Variants in NALCN observed in about 807,000 individuals in gnomAD.
NALCN encodes sodium leak channel, non-selective.
Under a neutral mutation model 225.3 loss-of-function variants are expected in NALCN, and 111 were observed. The ratio of observed to expected loss-of-function variants is 0.49; its 90% CI spans 0.42 to 0.58. The LOEUF (loss-of-function observed/expected upper bound fraction) is 0.58. Ranked by LOEUF, NALCN falls within the 20% of genes least tolerant of loss-of-function variation. NALCN has a pLI of 0.00. For missense variants in NALCN, 1,378 were observed against 2,202.4 expected, an observed-to-expected ratio of 0.63 and a Z score of 7.49; for synonymous variants, 764 against 769.0, an observed-to-expected ratio of 0.99 and a Z score of 0.11.
intron 7 of NALCN, among the ~76,000 whole-genome samples, chr13:101,301,722 A>G (rs1351278688): frequency 1.3e-5 from 2 of 148,246 alleles, no homozygotes; most frequent in Admixed American, 1.4e-4. Context: ...CTCTGTCTCA[A>G]AAAAAAAAGA....
At chr13:101,393,779 C>G (rs1250559336) in intron 3 of NALCN, among the ~76,000 whole-genome samples, 1 of 152,098 alleles carries the variant, frequency 6.6e-6, no homozygotes, top group Non-Finnish European at 1.5e-5. Context: ...TGCACTCCAG[C>G]CTGGGCAACA....
chr13:101,198,784 T>C (rs1445763937), intron 13 of NALCN, among the ~76,000 whole-genome samples: 3 of 152,182 alleles, frequency 2.0e-5, no homozygotes, highest in South Asian at 2.1e-4. Flanking sequence ...AGCCATCCCA[T>C]TACTGGGTAT....
intron 12 of NALCN, among the ~76,000 whole-genome samples, chr13:101,230,614 A>G (rs2041305719): frequency 6.6e-6 from 1 of 152,200 alleles, no homozygotes; most frequent in African/African-American, 2.4e-5. Context: ...AAATGGAAAC[A>G]AATAGTGTAG....
intron 6 of NALCN, chr13:101,368,945 T>G: frequency 3.7e-6 from 1 of 270,000 alleles, no homozygotes; most frequent in Non-Finnish European, 7.5e-6. Context: ...GATGGATGTT[T>G]CAGTAAGCTG....
chr13:101,148,013 G>A (rs932443520), intron 15 of NALCN, among the ~76,000 whole-genome samples: 3 of 152,090 alleles, frequency 2.0e-5, no homozygotes, highest in African/African-American at 7.2e-5. Flanking sequence ...CCTCTTACAA[G>A]CTCATAACAT....
chr13:101,395,883 T>G (rs2047277573), intron 2 of NALCN, among the ~76,000 whole-genome samples: 1 of 152,216 alleles, frequency 6.6e-6, no homozygotes, highest in Non-Finnish European at 1.5e-5. Flanking sequence ...AGTTAAGAAA[T>G]GCTTTTTAAA....
intron 37 of NALCN, among the ~76,000 whole-genome samples, chr13:101,070,436 C>A (rs1449436470): frequency 6.6e-6 from 1 of 152,188 alleles, no homozygotes; most frequent in East Asian, 1.9e-4. Context: ...TTGCCCAGAT[C>A]CATCAGAGCA....
intron 13 of NALCN, among the ~76,000 whole-genome samples, 162 bp downstream of exon 13, chr13:101,229,231 C>A (rs2041256440): frequency 6.6e-6 from 1 of 152,082 alleles, no homozygotes; most frequent in East Asian, 1.9e-4. Flanking sequence ...AACACCTGCA[C>A]CCTGCAGAAG....
At chr13:101,155,545 A>C (rs751088953) in intron 15 of NALCN, among the ~76,000 whole-genome samples, 1 of 152,178 alleles carries the variant, frequency 6.6e-6, no homozygotes, top group East Asian at 1.9e-4. Flanking sequence ...CCTTCTCGTC[A>C]TATCAGTGTG....
intron 13 of NALCN, among the ~76,000 whole-genome samples, chr13:101,210,182 C>T (rs9518340): frequency 0.27 from 41,245 of 152,114 alleles, 6,631 homozygotes; most frequent in Non-Finnish European, 0.37. Flanking sequence ...CTCTCCTTCC[C>T]CACCCCCATC....
intron 17 of NALCN, among the ~76,000 whole-genome samples, chr13:101,130,952 A>AT (rs1329787107): frequency 1.3e-5 from 2 of 152,258 alleles, no homozygotes; most frequent in African/African-American, 4.8e-5. Flanking sequence ...GACACCTATA[A>AT]TGCAGATGTC....
chr13:101,143,738 AC>A (rs1383021932), intron 16 of NALCN, among the ~76,000 whole-genome samples: 1 of 152,212 alleles, frequency 6.6e-6, no homozygotes, highest in Admixed American at 6.5e-5. Context: ...TGCTGGGATT[AC>A]AGGTGTGAGC....
intron 13 of NALCN, among the ~76,000 whole-genome samples, chr13:101,217,712 T>C (rs2040792057): frequency 6.6e-6 from 1 of 152,110 alleles, no homozygotes; most frequent in Non-Finnish European, 1.5e-5. Flanking sequence ...ATGTGTAATG[T>C]CAATGGTATG....
At chr13:101,333,608 G>A (rs2045262039) in intron 7 of NALCN, among the ~76,000 whole-genome samples, 1 of 152,178 alleles carries the variant, frequency 6.6e-6, no homozygotes, top group African/African-American at 2.4e-5. Context: ...CAGGGTTTTG[G>A]CAAAGCAGGG....
intron 15 of NALCN, among the ~76,000 whole-genome samples, chr13:101,162,696 T>G (rs966979309): frequency 1.3e-5 from 2 of 152,254 alleles, no homozygotes; most frequent in South Asian, 4.1e-4. Flanking sequence ...GAAAAAGTGC[T>G]GCGAGGTTGC....
intron 27 of NALCN, among the ~76,000 whole-genome samples, chr13:101,098,857 C>T (rs996482622): frequency 6.6e-6 from 1 of 150,806 alleles, no homozygotes; most frequent in Non-Finnish European, 1.5e-5. Flanking sequence ...AATTTCTTTT[C>T]AATCGTTCTG....
At chr13:101,253,209 A>G (rs961241015) in intron 11 of NALCN, among the ~76,000 whole-genome samples, 1 of 152,090 alleles carries the variant, frequency 6.6e-6, no homozygotes, top group African/African-American at 2.4e-5. Context: ...ACTAATTCTA[A>G]ATGTAGGTTA....
chr13:101,334,372 C>CAATCCA (rs2045292794), intron 7 of NALCN, among the ~76,000 whole-genome samples: 1 of 70,626 alleles, frequency 1.4e-5, no homozygotes, highest in African/African-American at 9.3e-5. Flanking sequence ...GTAGGGGGAG[C>CAATCCA]GGTAGGAGAG....
In NALCN at chr13:101,253,616, A is replaced by C. The variant is rs554650312; in HGVS notation, c.1266+4827T>G. Among the ~76,000 whole-genome samples the C allele has an allele frequency of 2.3e-3, 343 of 152,326 alleles. 1 individual carries two copies. Among genetic ancestry groups the C allele is most frequent in the African/African-American group, 7.7e-3 (319 of 41,566 alleles). On this transcript the variant is annotated intron_variant, in intron 11 of 43. Coordinates refer to ENST00000251127, the MANE Select transcript of NALCN (RefSeq NM_052867.4). ...GCTTTATTGTTGTCAGTATTAAAAT[A>C]TTTGACTTTAACACAAAATGTTATT...
Sources: gnomAD v4.1 joint callset for allele counts (sites outside exome capture counted in the v4.1 genomes callset) on GRCh38, gnomAD v4.1.1 for gene constraint, MANE v1.5 for transcripts, NCBI Gene and HGNC (gene_info 2026-07-23, HGNC 2026-07-21) for gene names.